GLIS2: variants seen among roughly 807,000 people sequenced by gnomAD.
GLIS2 encodes GLIS family zinc finger 2.
GLIS2 carries 14 observed loss-of-function variants against 35.6 expected under a neutral mutation model. The ratio of observed to expected loss-of-function variants is 0.39; its 90% CI spans 0.26 to 0.61. The LOEUF (loss-of-function observed/expected upper bound fraction) is 0.61, where lower values mean the gene tolerates loss of function less well. GLIS2 is among the 20% of genes least tolerant of loss of function. GLIS2 has a pLI of 0.48. For missense variants in GLIS2, 675 were observed against 713.4 expected (o/e 0.95, Z 0.61); for synonymous variants, 368 against 325.1 (o/e 1.13, Z -1.42).
At chr16:4,318,183 GT>G (rs2053336256) in intron 1 of GLIS2, among the ~76,000 whole-genome samples, 1 of 152,202 alleles carries the variant, frequency 6.6e-6, no homozygotes, top group Non-Finnish European at 1.5e-5. Context: ...AGCTTGGAGG[GT>G]GACCGGGGAA....
chr16:4,338,669 T>G lies in GLIS2; in HGVS notation c.*1145T>G, dbSNP rs1405336135. The G allele has an allele frequency of 1.3e-5, 2 of 153,008 alleles. No homozygotes were observed. The highest frequency in any genetic ancestry group is 2.9e-5 in the Non-Finnish European group (2 of 68,710). 9.5% of individuals were successfully genotyped at this position (153,008 alleles called of 1,614,324 possible). On this transcript the variant is annotated 3_prime_UTR_variant, in exon 7 of 7. Coordinates refer to ENST00000433375, the MANE Select transcript of GLIS2 (RefSeq NM_032575.3). The stretch of plus-strand genomic sequence containing the variant: ...CCCATGACACGTTGCTTCCTCTGGC[T>G]TTTCCCTGCTGGGCCGCTTTCTCAG...
At position 4,335,524 on chromosome 16, in the gene GLIS2, C is replaced by A; in HGVS notation, c.775+131C>A. 1 of 799,170 alleles carries A rather than the reference C, an allele frequency of 1.3e-6. No individual in the cohort carries two copies. The highest frequency in any genetic ancestry group is 1.7e-5 in the African/African-American group (1 of 58,472). The allele number at this position is 799,170 out of a possible 1,614,324, so 49.5% of individuals were successfully genotyped here. On this transcript the variant is annotated intron_variant, in intron 6 of 6. Coordinates refer to ENST00000433375, the MANE Select transcript of GLIS2 (RefSeq NM_032575.3). This position sits in a 1 kb window ranked among gnomAD's most constrained non-coding sequence, Gnocchi z 4.6. ...CAGAGATAAGGGTTGATGTCATCGC[C>A]CAGGGGTCCCTTTTCCAATGCAGTT... is the stretch of plus-strand genomic sequence containing the variant.
chr16:4,318,911 G>T (rs1450673907), intron 1 of GLIS2, among the ~76,000 whole-genome samples: 1 of 152,254 alleles, frequency 6.6e-6, no homozygotes, highest in Non-Finnish European at 1.5e-5. Context: ...CAGGGTTTGG[G>T]GCAATCTCTG....
At chr16:4,333,668 G>A in intron 3 of GLIS2, 149 bp downstream of exon 3, 2 of 920,922 alleles carry the variant, frequency 2.2e-6, no homozygotes, top group Non-Finnish European at 3.2e-6. Flanking sequence ...GGCTCTAGGG[G>A]AGAACCTTCC....
Position 4,335,910 on chromosome 16 carries a change from G to C in GLIS2, c.775+517G>C, listed in dbSNP as rs1359286542. ...CTTCATTTCATGACAAAGCCTCAAG[G>C]AGCTGATGTGTATGTTTTTTCCTGG... is the stretch of plus-strand genomic sequence containing the variant. On this transcript the variant is annotated intron_variant, in intron 6 of 6. Transcript: ENST00000433375. The surrounding 1 kb of genome is among the most constrained non-coding windows in gnomAD (Gnocchi z 4.6). The C allele has an allele frequency of 2.2e-5, 4 of 184,502 alleles. No individual in the cohort carries two copies. Among genetic ancestry groups the C allele is most frequent in the Non-Finnish European group, 2.3e-5 (2 of 86,608 alleles). 11.4% of individuals were successfully genotyped at this position (184,502 alleles called of 1,614,324 possible).
intron 1 of GLIS2, among the ~76,000 whole-genome samples, chr16:4,319,696 T>C (rs2053355863): frequency 6.6e-6 from 1 of 152,114 alleles, no homozygotes; most frequent in African/African-American, 2.4e-5. Flanking sequence ...AGTACTCTGC[T>C]GGGGGGCCAG....
chr16:4,324,412 G>T (rs1177631338), intron 1 of GLIS2, among the ~76,000 whole-genome samples: 1 of 152,222 alleles, frequency 6.6e-6, no homozygotes, highest in African/African-American at 2.4e-5. Context: ...CTTTGATGCA[G>T]TTGGGCTCTG....
chr16:4,317,923 T>A (rs2053333049), intron 1 of GLIS2, among the ~76,000 whole-genome samples: 1 of 152,184 alleles, frequency 6.6e-6, no homozygotes, highest in African/African-American at 2.4e-5. Flanking sequence ...CGCCCTTCCC[T>A]GTCTGTGACC....
rs1007692379 is a variant in GLIS2, at chr16:4,338,143, C to G, written c.*619C>G. ...CGCCTCCCACTAGTTAGGAGGAGGC[C>G]CGCTCTGCAGCCGCCGTCCTCACCC... is the stretch of plus-strand genomic sequence containing the variant. On this transcript the variant is annotated 3_prime_UTR_variant, in exon 7 of 7. Coordinates refer to ENST00000433375, the MANE Select transcript of GLIS2 (RefSeq NM_032575.3). The G allele has an allele frequency of 1.4e-4, 22 of 159,114 alleles. No individual in the cohort carries two copies. The highest frequency in any genetic ancestry group is 1.2e-3 in the Admixed American group (20 of 16,602). The allele number at this position is 159,114 out of a possible 1,614,324, so 9.9% of individuals were successfully genotyped here.
chr16:4,321,238 C>T (rs1232594698), intron 1 of GLIS2, among the ~76,000 whole-genome samples: 2 of 152,070 alleles, frequency 1.3e-5, no homozygotes, highest in East Asian at 1.9e-4. Flanking sequence ...AGGGTGGTTC[C>T]TAGGGGCCAC....
In GLIS2 at chr16:4,332,059, C is replaced by A. The variant is rs553531677; in HGVS notation, c.-66-156C>A. 3.3e-4 allele frequency among the ~76,000 whole-genome samples: 51 copies of A among 152,302 alleles called. No homozygotes were observed. Among genetic ancestry groups the A allele is most frequent in the African/African-American group, 1.1e-3 (46 of 41,554 alleles). ...CTGAGGAGGCTGTTGGCTCTCCCCCCATGATAGCTGCCGGCCAGGTCGCTC... is the reference window on the plus strand; with the variant it reads ...CTGAGGAGGCTGTTGGCTCTCCCCCAATGATAGCTGCCGGCCAGGTCGCTC... On this transcript the variant is annotated intron_variant, in intron 1 of 6. Transcript: ENST00000433375. This position sits in a 1 kb window ranked among gnomAD's most constrained non-coding sequence, Gnocchi z 5.4.
rs960377211 is a variant in GLIS2, at chr16:4,339,290, T to C, written c.*1766T>C. 1 of 152,624 alleles carries C rather than the reference T, an allele frequency of 6.6e-6. No individual in the cohort carries two copies. The highest frequency in any genetic ancestry group is 2.4e-5 in the African/African-American group (1 of 41,454). 9.5% of individuals were successfully genotyped at this position (152,624 alleles called of 1,614,324 possible). A position where few individuals can be genotyped will look rare whatever the true frequency, so the allele number is the denominator to read the frequency against. ...CTGGCGGGGTCATGGGTTTGCGACTTGAGCAGAGCGGAGGAACAGGGCACT... is the reference window on the plus strand; with the variant it reads ...CTGGCGGGGTCATGGGTTTGCGACTCGAGCAGAGCGGAGGAACAGGGCACT... On this transcript the variant is annotated 3_prime_UTR_variant, in exon 7 of 7. Coordinates refer to ENST00000433375, the MANE Select transcript of GLIS2 (RefSeq NM_032575.3).
intron 1 of GLIS2, among the ~76,000 whole-genome samples, chr16:4,326,909 T>A (rs1793038716): frequency 6.6e-6 from 1 of 152,084 alleles, no homozygotes; most frequent in Non-Finnish European, 1.5e-5. Flanking sequence ...TACAGACACC[T>A]GCCACCACGC....
At chr16:4,319,628 G>C (rs956038359) in intron 1 of GLIS2, among the ~76,000 whole-genome samples, 8 of 152,240 alleles carry the variant, frequency 5.3e-5, no homozygotes, top group Non-Finnish European at 5.9e-5. Flanking sequence ...CCACCCTGGT[G>C]AATTCTAAGT....
rs2053538644 is a variant in GLIS2 at position 4,335,308 on chromosome 16, C to G, written c.690C>G (p.Thr230=). The change falls in exon 6 of 7, where the codon ACC becomes ACG. Residue 230 remains threonine (T), a synonymous_variant. Transcript: ENST00000433375. This position sits in a 1 kb window ranked among gnomAD's most constrained non-coding sequence, Gnocchi z 4.6. ...TGCTCATCCACATCCGCACACACAC[C>G]AACGAGAAGCCACACCGCTGTCCGA... ...YKMLIHIRTH[T]NEKPHRCPTC... is the part of the protein sequence containing the mutation. The G allele has an allele frequency of 2.5e-6, 4 of 1,613,694 alleles. No individual in the cohort carries two copies. Among genetic ancestry groups the G allele is most frequent in the Non-Finnish European group, 3.4e-6 (4 of 1,180,018 alleles).
In GLIS2 at chr16:4,337,525, G is replaced by A. The variant is rs1167665671; in HGVS notation, c.*1G>A. On this transcript the variant is annotated 3_prime_UTR_variant, in exon 7 of 7. Transcript: ENST00000433375. ...GCTCAAACCGGCTGTGGTGAACTGA[G>A]CCCATCCTGCGGACAGTTGTGGTGC... is the stretch of plus-strand genomic sequence containing the variant. The A allele has an allele frequency of 1.3e-6, 2 of 1,554,126 alleles. No individual in the cohort carries two copies. The highest frequency in any genetic ancestry group is 8.7e-7 in the Non-Finnish European group (1 of 1,155,262).
In GLIS2 at chr16:4,337,338, G is replaced by T; in HGVS notation, c.1389G>T (p.Thr463=). Residue 463 remains threonine, a synonymous_variant, in exon 7 of 7, where the codon ACG becomes ACT. Transcript: ENST00000433375. ...CCCTGGGCATGGAGGGCCACAAGACGCCCCTTGAAAGGACGGAGAGCAGCT... is the reference window on the plus strand; with the variant it reads ...CCCTGGGCATGGAGGGCCACAAGACTCCCCTTGAAAGGACGGAGAGCAGCT... ...TRALGMEGHK[T]PLERTESSCS... 6.3e-7 allele frequency: 1 copy of T among 1,586,962 alleles called. No individual in the cohort carries two copies. The highest frequency in any genetic ancestry group is 8.6e-7 in the Non-Finnish European group (1 of 1,168,444).
intron 1 of GLIS2, among the ~76,000 whole-genome samples, chr16:4,316,888 G>A (rs1161575717): frequency 1.3e-5 from 2 of 152,180 alleles, no homozygotes; most frequent in Non-Finnish European, 2.9e-5. Flanking sequence ...GATGGCAAGG[G>A]GTCCATACTC....
Position 4,333,539 on chromosome 16 carries a change from C to G in GLIS2, c.345+20C>G, listed in dbSNP as rs772503765. ...GCCTCGGTAAGGAGGGGTGAGAGTT[C>G]CGGAGAGAGGGGTGGACTGGTTTCC... On this transcript the variant is annotated intron_variant, in intron 3 of 6. Transcript: ENST00000433375. The G allele has an allele frequency of 6.2e-7, 1 of 1,600,380 alleles. No individual in the cohort carries two copies. The highest frequency in any genetic ancestry group is 1.7e-5 in the Admixed American group (1 of 59,570).
Sources: gnomAD v4.1 joint callset for allele counts (sites outside exome capture counted in the v4.1 genomes callset) on GRCh38, gnomAD v4.1.1 for gene constraint, Gnocchi (gnomAD v3.1) non-coding constraint, MANE v1.5 for transcripts, NCBI Gene and HGNC (gene_info 2026-07-23, HGNC 2026-07-21) for gene names.